FBRSL1: variants seen among roughly 807,000 people sequenced by gnomAD.
FBRSL1 encodes the protein fibrosin like 1, also known as fibrosin-1-like protein.
In FBRSL1, 51 loss-of-function variants were observed where a neutral mutation model predicts 89.6. That is an observed-to-expected ratio of 0.57 (90% CI 0.45 to 0.72). The LOEUF (loss-of-function observed/expected upper bound fraction) is 0.72. FBRSL1 is among the 30% of genes least tolerant of loss of function. The pLI is 0.00. For missense variants in FBRSL1, 1,618 were observed against 1,451.8 expected, an observed-to-expected ratio of 1.11 and a Z score of -1.86; for synonymous variants, 779 against 681.1, an observed-to-expected ratio of 1.14 and a Z score of -2.24.
At chr12:132,536,475 T>G (rs1027027969) in intron 4 of FBRSL1, among the ~76,000 whole-genome samples, 1 of 151,214 alleles carries the variant, frequency 6.6e-6, no homozygotes, top group Non-Finnish European at 1.5e-5. Context: ...AGTGTGTGAA[T>G]GCACATGTAC....
intron 2 of FBRSL1, chr12:132,509,852 C>T (rs1015875937): frequency 2.2e-5 from 27 of 1,231,910 alleles, no homozygotes; most frequent in African/African-American, 1.9e-4. Context: ...CACTCCTCAC[C>T]CTCCGACCAC....
At chr12:132,532,016 AG>A (rs1274431082) in intron 4 of FBRSL1, among the ~76,000 whole-genome samples, 1 of 152,200 alleles carries the variant, frequency 6.6e-6, no homozygotes, top group African/African-American at 2.4e-5. Flanking sequence ...CCAGCGTGGC[AG>A]GGGGCTAGTG....
chr12:132,509,980 G>C (rs1396077013), intron 2 of FBRSL1: 1 of 1,231,410 alleles, frequency 8.1e-7, no homozygotes, highest in Non-Finnish European at 1.0e-6. Context: ...AGCCGCCCCC[G>C]GCGGTCGCTG....
At chr12:132,554,918 G>A (rs1407210880) in intron 5 of FBRSL1, 1 of 152,330 alleles carries the variant, frequency 6.6e-6, no homozygotes, top group Non-Finnish European at 1.5e-5. Flanking sequence ...TTGCACTCCA[G>A]CCTGGGCGAC....
intron 1 of FBRSL1, among the ~76,000 whole-genome samples, chr12:132,500,809 GC>G (rs1396452961): frequency 1.5e-4 from 23 of 152,260 alleles, no homozygotes; most frequent in African/African-American, 3.6e-4. Flanking sequence ...CTCACAGGGA[GC>G]TCAGGCCCTG....
rs1053954434 is a variant in FBRSL1 at position 132,499,615 on chromosome 12, C to T, written c.292-8538C>T. On this transcript the variant is annotated intron_variant, in intron 1 of 18. Transcript: ENST00000680143. This position sits in a 1 kb window ranked among gnomAD's most constrained non-coding sequence, Gnocchi z 4.3. ...GGCAGCACCGTGGCGTGGCGGTTCCCGAGAGCCCGTCAGGAAGGGCACATG... is the reference window on the plus strand; with the variant it reads ...GGCAGCACCGTGGCGTGGCGGTTCCTGAGAGCCCGTCAGGAAGGGCACATG... Among the ~76,000 whole-genome samples, 2 of 151,722 alleles carry T rather than the reference C, an allele frequency of 1.3e-5. No homozygotes were observed. Among genetic ancestry groups the T allele is most frequent in the Non-Finnish European group, 1.5e-5 (1 of 67,956 alleles).
intron 5 of FBRSL1, among the ~76,000 whole-genome samples, chr12:132,564,593 T>C (rs1402337583): frequency 8.1e-6 from 1 of 123,636 alleles, no homozygotes; most frequent in African/African-American, 3.6e-5. Context: ...CCTCCCGGGT[T>C]CACGCCATTC....
In FBRSL1 at chr12:132,569,284, G is replaced by GAAGGGTGGCCAGGGAGCAGGGCT. The variant is rs549205471; in HGVS notation, c.692-641_692-619dup. Among the ~76,000 whole-genome samples, 507 of 152,232 alleles carry GAAGGGTGGCCAGGGAGCAGGGCT rather than the reference G, an allele frequency of 3.3e-3. 3 individuals carry two copies. Among genetic ancestry groups the GAAGGGTGGCCAGGGAGCAGGGCT allele is most frequent in the African/African-American group, 0.011 (475 of 41,522 alleles). On this transcript the variant is annotated intron_variant, in intron 6 of 18. Coordinates refer to ENST00000680143, the MANE Select transcript of FBRSL1 (RefSeq NM_001367871.1). The stretch of plus-strand genomic sequence containing the variant: ...TGCGGGGGACGTGCCTAGGTGGGCA[G>GAAGGGTGGCCAGGGAGCAGGGCT]AAGGGTGGCCAGGGAGCAGGGCTGA...
At position 132,583,342 on chromosome 12, in the gene FBRSL1, T is replaced by C; in HGVS notation, c.2573T>C (p.Leu858Pro). 8.5e-7 allele frequency: 1 copy of C among 1,171,756 alleles called. No individual in the cohort carries two copies. The highest frequency in any genetic ancestry group is 1.1e-6 in the Non-Finnish European group (1 of 946,626). The allele number at this position is 1,171,756 out of a possible 1,614,324, so 72.6% of individuals were successfully genotyped here. A position where few individuals can be genotyped will look rare whatever the true frequency, so the allele number is the denominator to read the frequency against. Reference protein sequence around the residue: ...PGFAWEPFRGLELPRRAFPAA... With the variant: ...PGFAWEPFRGPELPRRAFPAA... The stretch of plus-strand genomic sequence containing the variant: ...TTCGCGTGGGAGCCTTTCCGCGGCC[T>C]GGAGCTGCCACGTCGCGCCTTCCCC... The change falls in exon 19 of 19, where the codon CTG (leucine) becomes CCG (proline). Residue 858 changes from leucine to proline, a missense_variant. Coordinates refer to ENST00000680143, the MANE Select transcript of FBRSL1 (RefSeq NM_001367871.1).
chr12:132,519,823 G>A (rs541734691), intron 2 of FBRSL1, among the ~76,000 whole-genome samples: 8 of 149,888 alleles, frequency 5.3e-5, no homozygotes, highest in South Asian at 2.1e-4. Flanking sequence ...GCAGAGAATC[G>A]CTTGAACCCG....
rs571421351 is a variant in FBRSL1 at position 132,531,550 on chromosome 12, C to T, written c.615+3562C>T. Among the ~76,000 whole-genome samples the T allele has an allele frequency of 4.9e-3, 737 of 150,540 alleles. 6 individuals carry two copies. The highest frequency in any genetic ancestry group is 0.017 in the African/African-American group (689 of 41,002). ...GTTCCTCTCTGGGCCTCTGTGTGTG[C>T]GTGTGTGTGTGTGTGTGCACCCGCG... On this transcript the variant is annotated intron_variant, in intron 4 of 18. Transcript: ENST00000680143.
intron 6 of FBRSL1, among the ~76,000 whole-genome samples, chr12:132,569,509 G>A (rs1593543885): frequency 6.6e-6 from 1 of 152,178 alleles, no homozygotes; most frequent in East Asian, 1.9e-4. Flanking sequence ...ATGAGGCCTA[G>A]GTACACAGGC....
chr12:132,523,468 G>T (rs1593334296), intron 2 of FBRSL1, among the ~76,000 whole-genome samples: 1 of 151,986 alleles, frequency 6.6e-6, no homozygotes, highest in Non-Finnish European at 1.5e-5. Context: ...GGGGTGACGC[G>T]TTCCATCTGC....
chr12:132,521,899 A>G (rs1034871719), intron 2 of FBRSL1, among the ~76,000 whole-genome samples: 3 of 152,150 alleles, frequency 2.0e-5, no homozygotes, highest in East Asian at 1.9e-4. Flanking sequence ...TGCGCAGGAC[A>G]GTGCGTGCTT....
rs1161365846 is a variant in FBRSL1, at chr12:132,570,038, G to A, written c.804G>A (p.Ala268=). 9.3e-6 allele frequency: 14 copies of A among 1,510,330 alleles called. No homozygotes were observed. Among genetic ancestry groups the A allele is most frequent in the South Asian group, 4.9e-5 (4 of 81,208 alleles). The allele number at this position is 1,510,330 out of a possible 1,614,324, so 93.6% of individuals were successfully genotyped here. A position where few individuals can be genotyped will look rare whatever the true frequency, so the allele number is the denominator to read the frequency against. ...GCTTCCTGCCCACTGCCAGCCCCGC[G>A]CCCCATGCCGCGCCCTGCCCGGGGC... The part of the protein sequence containing the change: ...AESFLPTASP[A]PHAAPCPGPP... The change falls in exon 7 of 19, where the codon GCG becomes GCA. Residue 268 remains alanine, a synonymous_variant. Transcript: ENST00000680143.
chr12:132,497,092 C>T (rs948524987), intron 1 of FBRSL1, among the ~76,000 whole-genome samples: 2 of 152,268 alleles, frequency 1.3e-5, no homozygotes, highest in Admixed American at 6.5e-5. Flanking sequence ...GGTAGTCTTG[C>T]TTCCGCTGGT....
chr12:132,581,613 A>C, intron 16 of FBRSL1, 97 bp downstream of exon 16: 1 of 1,496,240 alleles, frequency 6.7e-7, no homozygotes, highest in Non-Finnish European at 9.1e-7. Flanking sequence ...CCCGAGCCCC[A>C]GGGAGCCCCT....
rs1272254150 is a variant in FBRSL1, at chr12:132,576,909, C to G, written c.1812C>G (p.Ala604=). ...FAGFHYPQDL[A]RPLFPSTGAA... ...GCTTCCACTACCCACAGGACCTGGC[C>G]CGGCCCCTCTTCCCCAGCACAGGTG... The change falls in exon 15 of 19, where the codon GCC becomes GCG. Residue 604 remains alanine, a synonymous_variant. Coordinates refer to ENST00000680143, the MANE Select transcript of FBRSL1 (RefSeq NM_001367871.1). 2 of 1,550,232 alleles carry G rather than the reference C, an allele frequency of 1.3e-6. No homozygotes were observed. The highest frequency in any genetic ancestry group is 3.9e-5 in the Admixed American group (2 of 50,908).
intron 1 of FBRSL1, among the ~76,000 whole-genome samples, chr12:132,491,222 T>C (rs1420215025): frequency 6.6e-6 from 1 of 152,196 alleles, no homozygotes; most frequent in Non-Finnish European, 1.5e-5. Context: ...GGAGCAGTGC[T>C]GGATCTTAGG....
Sources: allele counts gnomAD v4.1 joint callset (sites outside exome capture counted in the v4.1 genomes callset), GRCh38; gene constraint gnomAD v4.1.1; non-coding constraint Gnocchi (gnomAD v3.1); transcripts MANE v1.5; gene names NCBI Gene and HGNC (gene_info 2026-07-23, HGNC 2026-07-21).